KHSRP: variants seen among roughly 807,000 people sequenced by gnomAD.
KHSRP encodes KH-type splicing regulatory protein, also known as far upstream element-binding protein 2.
KHSRP carries 13 observed loss-of-function variants against 94.9 expected under a neutral mutation model. The ratio of observed to expected loss-of-function variants is 0.14; its 90% CI spans 0.09 to 0.22. The LOEUF is 0.22. Among genes scored for constraint, KHSRP ranks in the 10% least tolerant of loss-of-function variants. KHSRP has a pLI of 1.00. For synonymous variants in KHSRP, 495 were observed against 401.4 expected, an observed-to-expected ratio of 1.23 and a Z score of -2.79; for missense variants, 710 against 1,010.0, an observed-to-expected ratio of 0.70 and a Z score of 4.03.
Position 6,418,854 on chromosome 19 carries a change from C to T in KHSRP, c.628G>A (p.Asp210Asn). ...SVQKAKMMLD[D>N]IVSRGRGGPP... is the part of the protein sequence containing the mutation. The stretch of plus-strand genomic sequence containing the variant: ...CCCCCACGACCCCGAGACACAATGT[C>T]ATCCAGCATCATCTTGGCTTTCCTG... Residue 210 changes from aspartate (D) to asparagine (N), a missense_variant, in exon 8 of 19, where the codon GAC becomes AAC. By Grantham distance (23) the Asp-to-Asn change is conservative. Transcript: ENST00000600480. This position sits in a 1 kb window ranked among gnomAD's most constrained non-coding sequence, Gnocchi z 4.3. 1 of 1,554,390 alleles carries T rather than the reference C, an allele frequency of 6.4e-7. No individual in the cohort carries two copies. The highest frequency in any genetic ancestry group is 8.7e-7 in the Non-Finnish European group (1 of 1,155,346).
At chr19:6,422,476 A>T in intron 1 of KHSRP, 40 bp from the exon 2 acceptor site, 1 of 1,476,426 alleles carries the variant, frequency 6.8e-7, no homozygotes, top group Middle Eastern at 1.7e-4. Flanking sequence ...TACCACCAAA[A>T]ACAACCCTCC....
chr19:6,415,174 G>T lies in KHSRP; in HGVS notation c.2094C>A (p.Pro698=). Residue 698 remains proline (P), a synonymous_variant, in exon 19 of 19, where the codon CCC becomes CCA. Transcript: ENST00000600480. Reference sequence around the variant, plus strand: ...GTCCCTGCTGCGTGGGCGGCGGCTGGGGGCCGCCAGGACCTGGGGTCTGTC... The same window carrying T: ...GTCCCTGCTGCGTGGGCGGCGGCTGTGGGCCGCCAGGACCTGGGGTCTGTC... The part of the protein sequence containing the change: ...YYGQTPGPGG[P]QPPPTQQGQQ... 7 of 1,608,638 alleles carry T rather than the reference G, an allele frequency of 4.4e-6. No homozygotes were observed. The highest frequency in any genetic ancestry group is 5.1e-6 in the Non-Finnish European group (6 of 1,179,166).
intron 1 of KHSRP, among the ~76,000 whole-genome samples, chr19:6,423,636 C>T (rs1599246733): frequency 6.6e-6 from 1 of 152,220 alleles, no homozygotes; most frequent in Non-Finnish European, 1.5e-5. Context: ...AGAACACAGG[C>T]GTTCACTTAA....
chr19:6,417,215 G>A (rs2092154274), intron 11 of KHSRP, 128 bp from the exon 12 acceptor site: 1 of 703,914 alleles, frequency 1.4e-6, no homozygotes, highest in Non-Finnish European at 2.3e-6. Flanking sequence ...GCCGCTCCCA[G>A]CCTCCACTCG....
intron 4 of KHSRP, chr19:6,421,002 G>A (rs2092191820): frequency 2.0e-6 from 1 of 493,776 alleles, no homozygotes; most frequent in South Asian, 2.6e-5. Context: ...GTGCTGCTCA[G>A]AGTCCCCACC....
At position 6,424,744 on chromosome 19, in the gene KHSRP, A is replaced by AGGCGGCGGC. The variant is rs757588744; in HGVS notation, c.-52_-44dup. On this transcript the variant is annotated 5_prime_UTR_variant, in exon 1 of 19. Coordinates refer to ENST00000600480, the MANE Select transcript of KHSRP (RefSeq NM_001366299.1). ...CCTGGCGCGGAGGCTGAAGCTGAGG[A>AGGCGGCGGC]GGCGGCGGCGGCGGCGGCGGCTCAA... is the stretch of plus-strand genomic sequence containing the variant. 3.3e-5 allele frequency: 30 copies of AGGCGGCGGC among 922,944 alleles called. No homozygotes were observed. The highest frequency in any genetic ancestry group is 9.7e-5 in the South Asian group (2 of 20,584). 57.2% of individuals were successfully genotyped at this position (922,944 alleles called of 1,614,324 possible). A position where few individuals can be genotyped will look rare whatever the true frequency, so the allele number is the denominator to read the frequency against.
At chr19:6,422,465 T>C (rs763825206) in intron 1 of KHSRP, 29 bp from the exon 2 acceptor site, 1 of 1,563,630 alleles carries the variant, frequency 6.4e-7, no homozygotes, top group Non-Finnish European at 8.8e-7. Flanking sequence ...CACAGAAGAA[T>C]TACCACCAAA....
rs548110263 is a variant in KHSRP, at chr19:6,416,654, C to T, written c.1328-4G>A. The T allele has an allele frequency of 3.4e-5, 55 of 1,613,812 alleles. 1 individual carries two copies. The South Asian group carries it at 5.8e-4, about 17-fold the overall frequency. Reference sequence around the variant, plus strand: ...ATGGCTTTCACATTCTCGCCACCTGCAGAAACGCAGAAGGTGAAGGTGGCC... The same window carrying T: ...ATGGCTTTCACATTCTCGCCACCTGTAGAAACGCAGAAGGTGAAGGTGGCC... On this transcript the variant is annotated splice_region_variant and splice_polypyrimidine_tract_variant and intron_variant, in intron 13 of 18. Transcript: ENST00000600480.
chr19:6,421,059 T>C (rs2092192166), intron 4 of KHSRP: 1 of 583,612 alleles, frequency 1.7e-6, no homozygotes, highest in African/African-American at 1.9e-5. Flanking sequence ...ATCACTACAG[T>C]GACTGCCACG....
At position 6,421,724 on chromosome 19, in the gene KHSRP, C is replaced by T. The variant is rs2092196007; in HGVS notation, c.347-36G>A. 3.1e-6 allele frequency: 5 copies of T among 1,613,328 alleles called. No homozygotes were observed. The African/African-American group carries it at 5.3e-5, about 17-fold the overall frequency. ...GAGAGGATGGCAGATGCAGCACCCA[C>T]CCACCCACGGCCGCCTCGAACCTGA... is the stretch of plus-strand genomic sequence containing the variant. On this transcript the variant is annotated intron_variant, in intron 2 of 18. Transcript: ENST00000600480.
rs1287165016 is a variant in KHSRP, at chr19:6,421,315, T to C, written c.388A>G (p.Ile130Val). ...TGGATGGGTCCAAGTTGAGAACTGA[T>C]TGCTGTAGAGAGAAAACCCAAAGCA... The part of the protein sequence containing the change: ...SKKLASQGDS[I>V]SSQLGPIHPP... Residue 130 changes from isoleucine to valine, a missense_variant and splice_region_variant, in exon 4 of 19, where the codon ATC becomes GTC. By Grantham distance (29) the Ile-to-Val change is conservative. Around this residue, in one of 5 missense-constraint regions of KHSRP, gnomAD observed 288 missense variants for 501.1 expected, o/e 0.57. Coordinates refer to ENST00000600480, the MANE Select transcript of KHSRP (RefSeq NM_001366299.1). The C allele has an allele frequency of 4.4e-6, 7 of 1,588,098 alleles. No individual in the cohort carries two copies. The highest frequency in any genetic ancestry group is 4.6e-5 in the East Asian group (2 of 43,628).
At chr19:6,420,272 T>A in intron 5 of KHSRP, 128 bp from the exon 6 acceptor site, 4 of 1,144,942 alleles carry the variant, frequency 3.5e-6, no homozygotes, top group Non-Finnish European at 5.1e-6. Context: ...AGAGAGCTCC[T>A]GTCCTCTGCC....
chr19:6,421,237 C>T, intron 4 of KHSRP, 41 bp downstream of exon 4: 1 of 1,559,408 alleles, frequency 6.4e-7, no homozygotes, highest in African/African-American at 1.4e-5. Context: ...AGTCTGCTGG[C>T]CAACAGACAA....
At chr19:6,421,393 T>TCCCACTGACCC in intron 3 of KHSRP, 76 bp from the exon 4 acceptor site, 1 of 1,464,094 alleles carries the variant, frequency 6.8e-7, no homozygotes, top group Non-Finnish European at 9.4e-7. Context: ...CCCGGGTCAG[T>TCCCACTGACCC]GGGAGCTGAG....
Position 6,418,108 on chromosome 19 carries a change from G to A in KHSRP, c.880-29C>T, listed in dbSNP as rs2092165667. ...CAAACACACAGGAAGCAGCCCCCATGGGTGAGCCCTGCTGCCCCACACCCC... is the reference window on the plus strand; with the variant it reads ...CAAACACACAGGAAGCAGCCCCCATAGGTGAGCCCTGCTGCCCCACACCCC... On this transcript the variant is annotated intron_variant, in intron 9 of 18. Coordinates refer to ENST00000600480, the MANE Select transcript of KHSRP (RefSeq NM_001366299.1). The surrounding 1 kb of genome is among the most constrained non-coding windows in gnomAD (Gnocchi z 4.3). The A allele has an allele frequency of 3.1e-6, 5 of 1,601,656 alleles. No homozygotes were observed. Among genetic ancestry groups the A allele is most frequent in the South Asian group, 1.1e-5 (1 of 90,686 alleles).
chr19:6,420,154 G>C lies in KHSRP; in HGVS notation c.476-10C>G. ...CCTCCTCTGCCAATGACTGGATGGA[G>C]AAAGAAGGAGAAAAGCAAAGCGTGA... On this transcript the variant is annotated splice_polypyrimidine_tract_variant and intron_variant, in intron 5 of 18. Transcript: ENST00000600480. 12 of 1,608,774 alleles carry C rather than the reference G, an allele frequency of 7.5e-6. No individual in the cohort carries two copies. The highest frequency in any genetic ancestry group is 1.0e-5 in the Non-Finnish European group (12 of 1,176,048).
Position 6,418,707 on chromosome 19 carries a change from G to A in KHSRP, c.775C>T (p.Leu259=). 1.2e-6 allele frequency: 2 copies of A among 1,613,888 alleles called. No homozygotes were observed. Among genetic ancestry groups the A allele is most frequent in the African/African-American group, 1.3e-5 (1 of 75,052 alleles). ...TGCCCAGGTGCTGCCCTCACCTGCA[G>A]CTGCTTAATGGTCTCCCCGCCCTTG... ...IGKGGETIKQ[L]QERAGVKMIL... is the part of the protein sequence containing the mutation. The change falls in exon 8 of 19, where the codon CTG becomes TTG. Residue 259 remains leucine (L), a synonymous_variant. Transcript: ENST00000600480. The surrounding 1 kb of genome is among the most constrained non-coding windows in gnomAD (Gnocchi z 4.3).
intron 10 of KHSRP, 37 bp from the exon 11 acceptor site, chr19:6,417,878 G>GCTCTGCTGCC (rs752824934): frequency 5.0e-6 from 8 of 1,606,214 alleles, no homozygotes; most frequent in African/African-American, 1.3e-5. Flanking sequence ...TCGGCCCGCA[G>GCTCTGCTGCC]CTCTGCTGCC....
At chr19:6,420,052 A>G (rs750467479) in intron 6 of KHSRP, 21 bp downstream of exon 6, 1 of 1,597,806 alleles carries the variant, frequency 6.3e-7, no homozygotes, top group East Asian at 2.2e-5. Flanking sequence ...CCACTCTGGC[A>G]GGAACCTGAC....
Sources: gnomAD v4.1 joint callset for allele counts (sites outside exome capture counted in the v4.1 genomes callset) on GRCh38, gnomAD v4.1.1 for gene constraint, gnomAD v4.1.1 regional missense constraint, Gnocchi (gnomAD v3.1) non-coding constraint, MANE v1.5 for transcripts, NCBI Gene and HGNC (gene_info 2026-07-23, HGNC 2026-07-21) for gene names.